LYZL4: variants seen among roughly 807,000 people sequenced by gnomAD.
LYZL4 encodes lysozyme like 4.
Under a neutral mutation model 17.6 loss-of-function variants are expected in LYZL4, and 13 were observed. That is an observed-to-expected ratio of 0.74 (90% CI 0.48 to 1.18). The LOEUF is 1.18. Ranked by LOEUF, LYZL4 falls within the 50% of genes most tolerant of loss-of-function variation. The pLI, the probability that LYZL4 is intolerant of heterozygous loss-of-function variation, is 0.00. For synonymous variants in LYZL4, 64 were observed against 67.7 expected (o/e 0.95, Z 0.27); for missense variants, 174 against 188.2 (o/e 0.92, Z 0.44).
chr3:42,397,737 C>A (rs1485992889), intron 4 of LYZL4, among the ~76,000 whole-genome samples: 2 of 152,136 alleles, frequency 1.3e-5, no homozygotes, highest in East Asian at 3.9e-4. Context: ...CCTAGGCCTG[C>A]AAATAGAACC....
intron 4 of LYZL4, among the ~76,000 whole-genome samples, chr3:42,402,883 T>C (rs984628962): frequency 1.3e-5 from 2 of 152,198 alleles, no homozygotes; most frequent in African/African-American, 4.8e-5. Context: ...ATAAGTAACC[T>C]GCGGTGAATC....
At chr3:42,397,055 T>C (rs1000334027), downstream of LYZL4, 2 of 473,894 alleles carry the variant, frequency 4.2e-6, no homozygotes, top group South Asian at 4.6e-5. Flanking sequence ...GAAATAATCA[T>C]AATCAAAGCA....
At chr3:42,409,918 C>T (rs1271336574) in intron 1 of LYZL4, among the ~76,000 whole-genome samples, 1 of 152,192 alleles carries the variant, frequency 6.6e-6, no homozygotes, top group Admixed American at 6.5e-5. Context: ...CTGCCATAGT[C>T]ACCTTGCACA....
intron 1 of LYZL4, among the ~76,000 whole-genome samples, chr3:42,410,014 G>C (rs1698834296): frequency 6.6e-6 from 1 of 152,040 alleles, no homozygotes; most frequent in Non-Finnish European, 1.5e-5. Context: ...TGACTGCCCT[G>C]ACCACCACAT....
chr3:42,361,223 C>T, the LYZL4 span, among the ~76,000 whole-genome samples: 51 of 152,104 alleles, frequency 3.4e-4, no homozygotes, highest in Admixed American at 1.9e-3. Flanking sequence ...TGGTAACATA[C>T]GATATACACT....
rs554801742 is a variant in LYZL4, at chr3:42,407,201, A to G, written c.51T>C (p.Ser17=). 3.1e-6 allele frequency: 5 copies of G among 1,614,170 alleles called. No individual in the cohort carries two copies. The highest frequency in any genetic ancestry group is 3.3e-5 in the Admixed American group (2 of 60,032). The change falls in exon 2 of 5, where the codon AGT becomes AGC. Residue 17 remains serine, a synonymous_variant. Coordinates refer to ENST00000287748, the MANE Select transcript of LYZL4 (RefSeq NM_144634.4). Reference sequence around the variant, plus strand: ...TGCAACGCCCCAAGATGTAAGCACCACTTGGAACCACCAGGTAGCCAAGGA... The same window carrying G: ...TGCAACGCCCCAAGATGTAAGCACCGCTTGGAACCACCAGGTAGCCAAGGA... ...LSLLGYLVVP[S]GAYILGRCTV...
chr3:42,397,112 C>T lies in LYZL4; in HGVS notation c.*153G>A, dbSNP rs1214770024. The stretch of plus-strand genomic sequence containing the variant: ...GTAACTAGTTTGGTTTATTCTGCAT[C>T]CTGCATCCCCGGATGAAGCAAACTT... On this transcript the variant is annotated 3_prime_UTR_variant, in exon 5 of 5. Transcript: ENST00000287748. 1 of 585,412 alleles carries T rather than the reference C, an allele frequency of 1.7e-6. No individual in the cohort carries two copies. The highest frequency in any genetic ancestry group is 2.5e-5 in the South Asian group (1 of 39,614). 36.3% of individuals were successfully genotyped at this position (585,412 alleles called of 1,614,324 possible). A position where few individuals can be genotyped will look rare whatever the true frequency, so the allele number is the denominator to read the frequency against.
At chr3:42,370,153 T>C in the LYZL4 span, among the ~76,000 whole-genome samples, 1 of 152,132 alleles carries the variant, frequency 6.6e-6, no homozygotes, top group Non-Finnish European at 1.5e-5. Flanking sequence ...GTCACTAAGA[T>C]TCTGAGTAGA....
chr3:42,394,094 G>A (rs143589871), downstream of LYZL4, among the ~76,000 whole-genome samples: 952 of 152,216 alleles, frequency 6.3e-3, 6 homozygotes, highest in African/African-American at 0.017. Flanking sequence ...TGCCCGGCCT[G>A]CCCCAAGTGA....
the LYZL4 span, among the ~76,000 whole-genome samples, chr3:42,386,465 G>A: frequency 0.8 from 118,014 of 147,506 alleles, 47,282 homozygotes; most frequent in East Asian, 0.93. Context: ...ATGGATATCC[G>A]GAATTATCTT....
At chr3:42,388,844 GTGA>G in the LYZL4 span, among the ~76,000 whole-genome samples, 1 of 152,096 alleles carries the variant, frequency 6.6e-6, no homozygotes, top group Non-Finnish European at 1.5e-5. Context: ...AAAACATTTT[GTGA>G]TGACAGCTGC....
chr3:42,407,200 C>T lies in LYZL4; in HGVS notation c.52G>A (p.Gly18Ser). 6.2e-7 allele frequency: 1 copy of T among 1,614,140 alleles called. No homozygotes were observed. The highest frequency in any genetic ancestry group is 8.5e-7 in the Non-Finnish European group (1 of 1,180,016). ...GTGCAACGCCCCAAGATGTAAGCAC[C>T]ACTTGGAACCACCAGGTAGCCAAGG... ...SLLGYLVVPS[G>S]AYILGRCTVA... The change falls in exon 2 of 5, where the codon GGT becomes AGT. Residue 18 changes from glycine to serine, a missense_variant. Physicochemically the swap from Gly to Ser is moderately conservative, Grantham distance 56 (BLOSUM62 0). Coordinates refer to ENST00000287748, the MANE Select transcript of LYZL4 (RefSeq NM_144634.4).
At chr3:42,380,495 C>T in the LYZL4 span, among the ~76,000 whole-genome samples, 1 of 152,178 alleles carries the variant, frequency 6.6e-6, no homozygotes, top group African/African-American at 2.4e-5. Flanking sequence ...TAATACTTCC[C>T]TTGTCAATGT....
At chr3:42,384,187 G>C in the LYZL4 span, among the ~76,000 whole-genome samples, 4 of 152,158 alleles carry the variant, frequency 2.6e-5, no homozygotes, top group Admixed American at 6.5e-5. Context: ...AATTATTTTT[G>C]ACTTAGAGTT....
At chr3:42,384,001 A>T in the LYZL4 span, among the ~76,000 whole-genome samples, 7 of 152,230 alleles carry the variant, frequency 4.6e-5, no homozygotes, top group African/African-American at 1.7e-4. Flanking sequence ...AGGTTTCCAG[A>T]TTGAAAGCCC....
At chr3:42,405,437 C>T (rs1166076152) in intron 3 of LYZL4, among the ~76,000 whole-genome samples, 1 of 152,186 alleles carries the variant, frequency 6.6e-6, no homozygotes, top group African/African-American at 2.4e-5. Context: ...GCAGTCCTGC[C>T]TCTCCTTGAA....
At chr3:42,367,994 A>G in the LYZL4 span, among the ~76,000 whole-genome samples, 1 of 152,190 alleles carries the variant, frequency 6.6e-6, no homozygotes. Context: ...GAATCCTAAG[A>G]GGCAGGTACT....
downstream of LYZL4, among the ~76,000 whole-genome samples, chr3:42,396,747 T>C (rs145144491): frequency 4.1e-3 from 624 of 152,362 alleles, 1 homozygote; most frequent in Middle Eastern, 0.02. Flanking sequence ...AGAGACTTTT[T>C]ATAAGAAATG....
chr3:42,392,904 G>C (rs1309404033), downstream of LYZL4, among the ~76,000 whole-genome samples: 1 of 152,196 alleles, frequency 6.6e-6, no homozygotes. Context: ...CTGAAGTGAA[G>C]TGGAGGACAA....
Sources: allele counts gnomAD v4.1 joint callset (sites outside exome capture counted in the v4.1 genomes callset), GRCh38; gene constraint gnomAD v4.1.1; transcripts MANE v1.5; gene names NCBI Gene and HGNC (gene_info 2026-07-23, HGNC 2026-07-21).